The following SRL variants were observed in gnomAD, a reference collection of about 807,000 sequenced individuals.
SRL encodes sarcalumenin.
Under a neutral mutation model 39.5 loss-of-function variants are expected in SRL, and 23 were observed. That is an observed-to-expected ratio of 0.58 (90% CI 0.42 to 0.82). The LOEUF (loss-of-function observed/expected upper bound fraction) is 0.82, where lower values mean the gene tolerates loss of function less well. Among genes scored for constraint, SRL ranks in the 40% least tolerant of loss-of-function variants. The pLI is 0.00. For synonymous variants in SRL, 272 were observed against 237.4 expected, an observed-to-expected ratio of 1.15 and a Z score of -1.34; for missense variants, 592 against 607.8, an observed-to-expected ratio of 0.97 and a Z score of 0.27.
intron 1 of SRL, among the ~76,000 whole-genome samples, chr16:4,237,749 C>T (rs1239374869): frequency 6.6e-6 from 1 of 152,208 alleles, no homozygotes; most frequent in Non-Finnish European, 1.5e-5. Context: ...CTTGTTCCCT[C>T]AACTCAGAAT....
At chr16:4,236,401 T>C (rs1310913308) in intron 1 of SRL, among the ~76,000 whole-genome samples, 1 of 152,132 alleles carries the variant, frequency 6.6e-6, no homozygotes, top group African/African-American at 2.4e-5. Flanking sequence ...TTTCTGAAAT[T>C]CATTTATCTT....
At chr16:4,203,844 A>G (rs1480898167) in intron 2 of SRL, among the ~76,000 whole-genome samples, 2 of 152,222 alleles carry the variant, frequency 1.3e-5, no homozygotes, top group African/African-American at 4.8e-5. Context: ...GAGGCTTAGA[A>G]GGCAAAGAGG....
intron 1 of SRL, among the ~76,000 whole-genome samples, chr16:4,233,901 T>C (rs1386309152): frequency 6.6e-6 from 1 of 151,972 alleles, no homozygotes; most frequent in South Asian, 2.1e-4. Context: ...AAAGGGGGAC[T>C]CCCTTTAGGG....
At chr16:4,224,737 A>G (rs969703861) in intron 1 of SRL, among the ~76,000 whole-genome samples, 1 of 152,098 alleles carries the variant, frequency 6.6e-6, no homozygotes, top group Non-Finnish European at 1.5e-5. Context: ...AAAAAAAGAA[A>G]AAAAAAGGAT....
intron 1 of SRL, among the ~76,000 whole-genome samples, chr16:4,228,736 A>G (rs1292604042): frequency 1.3e-5 from 2 of 151,060 alleles, no homozygotes; most frequent in African/African-American, 4.9e-5. Flanking sequence ...CTCCGTCTCA[A>G]AAAAAAAAGA....
Position 4,203,159 on chromosome 16 carries a change from G to A in SRL, c.259+7C>T. The A allele has an allele frequency of 6.2e-7, 1 of 1,613,100 alleles. No homozygotes were observed. Among genetic ancestry groups the A allele is most frequent in the Non-Finnish European group, 8.5e-7 (1 of 1,179,034 alleles). On this transcript the variant is annotated splice_region_variant and intron_variant, in intron 3 of 5. Coordinates refer to ENST00000399609, the MANE Select transcript of SRL (RefSeq NM_001098814.2). Reference sequence around the variant, plus strand: ...TCTCAAGCCCTACCTGTTATCTCAAGCCCTACCTGTGATCTCATGCTGCCG... The same window carrying A: ...TCTCAAGCCCTACCTGTTATCTCAAACCCTACCTGTGATCTCATGCTGCCG...
chr16:4,200,369 A>G (rs2052212058), intron 3 of SRL, among the ~76,000 whole-genome samples: 1 of 152,190 alleles, frequency 6.6e-6, no homozygotes, highest in Non-Finnish European at 1.5e-5. Context: ...AACCACAAAC[A>G]GGGCCCTTTC....
chr16:4,212,775 C>T (rs1382773711), intron 1 of SRL, among the ~76,000 whole-genome samples: 1 of 152,086 alleles, frequency 6.6e-6, no homozygotes. Context: ...TCCTGCTTCT[C>T]CCACCAGCCC....
intron 3 of SRL, among the ~76,000 whole-genome samples, chr16:4,198,323 C>T (rs2052176791): frequency 6.6e-6 from 1 of 152,194 alleles, no homozygotes; most frequent in South Asian, 2.1e-4. Context: ...CTTGTATAAT[C>T]TTGGGTGGTC....
At chr16:4,200,617 A>C (rs114653977) in intron 3 of SRL, among the ~76,000 whole-genome samples, 2,438 of 152,196 alleles carry the variant, frequency 0.016, 62 homozygotes, top group African/African-American at 0.056. Flanking sequence ...GAGGGCCAAG[A>C]CTCCGGGTCT....
chr16:4,195,527 C>A (rs146996531), intron 5 of SRL, 26 bp downstream of exon 5: 1 of 1,609,346 alleles, frequency 6.2e-7, no homozygotes, highest in Non-Finnish European at 8.5e-7. Flanking sequence ...AGAGCTTACA[C>A]TGTTCAGAAA....
intron 2 of SRL, 72 bp downstream of exon 2, chr16:4,204,461 C>A: frequency 1.4e-6 from 2 of 1,406,652 alleles, no homozygotes; most frequent in Non-Finnish European, 1.0e-6. Context: ...CTCTCAGGAG[C>A]CTCCAGGAGT....
chr16:4,216,828 G>A (rs2052466353), intron 1 of SRL, among the ~76,000 whole-genome samples: 1 of 152,190 alleles, frequency 6.6e-6, no homozygotes, highest in East Asian at 1.9e-4. Context: ...ACCAAGGCAG[G>A]TGGCTGGCTT....
chr16:4,207,342 T>A (rs1421994063), intron 1 of SRL: 2 of 456,678 alleles, frequency 4.4e-6, no homozygotes, highest in African/African-American at 2.0e-5. Context: ...TGCACTGGCC[T>A]CTGCAGCTGG....
At chr16:4,231,529 G>GC (rs1195674691) in intron 1 of SRL, among the ~76,000 whole-genome samples, 4 of 152,166 alleles carry the variant, frequency 2.6e-5, no homozygotes, top group South Asian at 4.2e-4. Flanking sequence ...CCCAGCTCGA[G>GC]CCCCCCTTCC....
chr16:4,200,703 G>T (rs953629248), intron 3 of SRL, among the ~76,000 whole-genome samples: 6 of 152,240 alleles, frequency 3.9e-5, no homozygotes, highest in Non-Finnish European at 1.5e-5. Flanking sequence ...CCACTACAAA[G>T]GGGGGCGATA....
intron 3 of SRL, among the ~76,000 whole-genome samples, chr16:4,198,276 G>A (rs1385309362): frequency 2.6e-5 from 4 of 152,218 alleles, no homozygotes; most frequent in Non-Finnish European, 5.9e-5. Context: ...CACATGGAGA[G>A]AATCTGGGTT....
chr16:4,203,351 G>T, intron 2 of SRL, 90 bp from the exon 3 acceptor site: 1 of 1,037,246 alleles, frequency 9.6e-7, no homozygotes, highest in Non-Finnish European at 1.5e-6. Context: ...ACCCAGGGCA[G>T]CTCCACCCCT....
At chr16:4,231,211 G>C (rs2052656757) in intron 1 of SRL, among the ~76,000 whole-genome samples, 1 of 152,156 alleles carries the variant, frequency 6.6e-6, no homozygotes, top group South Asian at 2.1e-4. Context: ...AGCTACTTGG[G>C]AGGCTGTGGT....
Sources: gnomAD v4.1 joint callset for allele counts (sites outside exome capture counted in the v4.1 genomes callset) on GRCh38, gnomAD v4.1.1 for gene constraint, MANE v1.5 for transcripts, NCBI Gene and HGNC (gene_info 2026-07-23, HGNC 2026-07-21) for gene names.